The following MTHFD1L variants were observed in gnomAD, a reference collection of about 807,000 sequenced individuals.
The protein encoded by MTHFD1L is monofunctional C1-tetrahydrofolate synthase, mitochondrial.
A neutral mutation model predicts 119.5 loss-of-function variants in MTHFD1L; 81 were observed. That is an observed-to-expected ratio of 0.68 (90% CI 0.57 to 0.82). The LOEUF (loss-of-function observed/expected upper bound fraction) is 0.82. MTHFD1L is among the 40% of genes least tolerant of loss of function. The pLI, the probability that MTHFD1L is intolerant of heterozygous loss-of-function variation, is 0.00. For missense variants in MTHFD1L, 1,125 were observed against 1,253.4 expected, an observed-to-expected ratio of 0.90 and a Z score of 1.55; for synonymous variants, 430 against 475.2, an observed-to-expected ratio of 0.90 and a Z score of 1.24.
At chr6:150,957,996 A>C (rs1795891915) in intron 17 of MTHFD1L, among the ~76,000 whole-genome samples, 1 of 152,156 alleles carries the variant, frequency 6.6e-6, no homozygotes. Flanking sequence ...GAAGATTCAC[A>C]GTGGCCTTGA....
chr6:150,869,109 A>G (rs1243667761), intron 1 of MTHFD1L, among the ~76,000 whole-genome samples: 1 of 152,202 alleles, frequency 6.6e-6, no homozygotes, highest in Non-Finnish European at 1.5e-5. Flanking sequence ...CATTTTTTAG[A>G]CAATGCTTTT....
At chr6:150,941,540 T>G (rs1793113332) in intron 13 of MTHFD1L, among the ~76,000 whole-genome samples, 1 of 152,080 alleles carries the variant, frequency 6.6e-6, no homozygotes, top group Non-Finnish European at 1.5e-5. Flanking sequence ...GGGAAAGATG[T>G]CAGTGACTTG....
intron 24 of MTHFD1L, among the ~76,000 whole-genome samples, chr6:151,018,146 G>A (rs1262851800): frequency 6.6e-6 from 1 of 152,038 alleles, no homozygotes; most frequent in East Asian, 1.9e-4. Flanking sequence ...TTGTCTTCAG[G>A]GGTAGTGCAT....
intron 20 of MTHFD1L, among the ~76,000 whole-genome samples, chr6:151,008,189 T>C (rs1186425049): frequency 6.6e-6 from 1 of 152,232 alleles, no homozygotes; most frequent in East Asian, 1.9e-4. Context: ...TAAATCTTGC[T>C]ACAGCAACTT....
intron 22 of MTHFD1L, among the ~76,000 whole-genome samples, chr6:151,014,207 A>G (rs2128489181): frequency 6.6e-6 from 1 of 152,172 alleles, no homozygotes; most frequent in South Asian, 2.1e-4. Context: ...ACTCTGTCTC[A>G]AAAAAAAGAA....
chr6:150,983,650 GTC>G (rs1777854065), intron 20 of MTHFD1L, among the ~76,000 whole-genome samples: 2 of 152,196 alleles, frequency 1.3e-5, no homozygotes, highest in African/African-American at 4.8e-5. Context: ...GAAAAAGAAA[GTC>G]TCTCTTGTCT....
At chr6:150,995,703 G>C (rs1779726654) in intron 20 of MTHFD1L, among the ~76,000 whole-genome samples, 1 of 151,794 alleles carries the variant, frequency 6.6e-6, no homozygotes, top group Non-Finnish European at 1.5e-5. Context: ...TTTTGCTCTT[G>C]TTGCCCAGGC....
chr6:151,057,435 G>A, intron 26 of MTHFD1L: 5 of 684,648 alleles, frequency 7.3e-6, no homozygotes, highest in Non-Finnish European at 7.2e-6. Context: ...GAGCCCAGGA[G>A]TTTGAGACCA....
chr6:150,988,405 G>A (rs537737139), intron 20 of MTHFD1L, among the ~76,000 whole-genome samples: 7 of 148,294 alleles, frequency 4.7e-5, no homozygotes, highest in Admixed American at 2.0e-4. Flanking sequence ...ATATGAGGTC[G>A]TTTTAAAGTT....
chr6:150,949,164 T>C (rs760150107), intron 16 of MTHFD1L, 31 bp downstream of exon 16: 1 of 1,585,448 alleles, frequency 6.3e-7, no homozygotes, highest in Non-Finnish European at 8.7e-7. Context: ...AGCAGGCTGA[T>C]GGCCAGGTGG....
At chr6:151,071,413 G>T (rs1003988336) in intron 26 of MTHFD1L, among the ~76,000 whole-genome samples, 10 of 152,178 alleles carry the variant, frequency 6.6e-5, no homozygotes, top group African/African-American at 2.2e-4. Context: ...TCACTAATGG[G>T]CTGATCGTAC....
chr6:151,014,109 C>G (rs903902693), intron 22 of MTHFD1L, among the ~76,000 whole-genome samples: 1 of 152,112 alleles, frequency 6.6e-6, no homozygotes, highest in Admixed American at 6.5e-5. Flanking sequence ...CCTGTAGTCC[C>G]AGCATGAGAA....
rs1278162325 is a variant in MTHFD1L, at chr6:150,866,724, T to A, written c.227+675T>A. The A allele has an allele frequency of 2.8e-6, 3 of 1,083,320 alleles. No homozygotes were observed. The East Asian group carries it at 1.6e-4, about 59-fold the overall frequency. 67.1% of individuals were successfully genotyped at this position (1,083,320 alleles called of 1,614,324 possible). A position where few individuals can be genotyped will look rare whatever the true frequency, so the allele number is the denominator to read the frequency against. ...GCTTCGCCGCGCAGCGCCCACGGAG[T>A]CCCCGCGCAGCTGGGTTTGCAGGGT... On this transcript the variant is annotated intron_variant, in intron 1 of 27. Coordinates refer to ENST00000367321, the MANE Select transcript of MTHFD1L (RefSeq NM_015440.5).
intron 24 of MTHFD1L, among the ~76,000 whole-genome samples, chr6:151,024,658 A>G (rs776047082): frequency 2.0e-5 from 3 of 152,158 alleles, no homozygotes; most frequent in Non-Finnish European, 4.4e-5. Flanking sequence ...GCAAAACCCC[A>G]TCTGTACTAA....
rs549872883 is a variant in MTHFD1L at position 151,080,037 on chromosome 6, C to T, written c.2848-12430C>T. 1.3e-3 allele frequency among the ~76,000 whole-genome samples: 200 copies of T among 151,662 alleles called. 1 individual carries two copies. The highest frequency in any genetic ancestry group is 4.6e-3 in the African/African-American group (190 of 41,416). The stretch of plus-strand genomic sequence containing the variant: ...TTAAAATACAAAAAAAATAGCTGGG[C>T]GTGGTAGTGCACATCCATAAATCCC... On this transcript the variant is annotated intron_variant, in intron 26 of 27. Coordinates refer to ENST00000367321, the MANE Select transcript of MTHFD1L (RefSeq NM_015440.5).
intron 26 of MTHFD1L, among the ~76,000 whole-genome samples, chr6:151,037,917 A>G (rs953480319): frequency 1.2e-4 from 18 of 152,210 alleles, no homozygotes; most frequent in African/African-American, 3.9e-4. Context: ...ATTCTAACCC[A>G]TCATTATCGT....
chr6:150,979,816 A>C (rs1777187142), intron 20 of MTHFD1L, among the ~76,000 whole-genome samples: 1 of 152,110 alleles, frequency 6.6e-6, no homozygotes, highest in African/African-American at 2.4e-5. Flanking sequence ...ACAGTTTTAT[A>C]ATCAGTCTTC....
intron 26 of MTHFD1L, among the ~76,000 whole-genome samples, chr6:151,048,067 A>G (rs1788382649): frequency 6.6e-6 from 1 of 151,964 alleles, no homozygotes; most frequent in African/African-American, 2.4e-5. Context: ...AACAAGGGGG[A>G]AATTCACCCC....
At chr6:151,057,353 G>A (rs1253959005) in intron 26 of MTHFD1L, 2 of 985,274 alleles carry the variant, frequency 2.0e-6, no homozygotes, top group Non-Finnish European at 2.4e-6. Context: ...TAAGGCCTGA[G>A]AGACCGGCCA....
Sources: gnomAD v4.1 joint callset for allele counts (sites outside exome capture counted in the v4.1 genomes callset) on GRCh38, gnomAD v4.1.1 for gene constraint, MANE v1.5 for transcripts, NCBI Gene and HGNC (gene_info 2026-07-23, HGNC 2026-07-21) for gene names.